The following ITGA7 variants were observed in gnomAD, a reference collection of about 807,000 sequenced individuals.
The protein encoded by ITGA7 is integrin subunit alpha 7.
Under a neutral mutation model 131.6 loss-of-function variants are expected in ITGA7, and 84 were observed. That is an observed-to-expected ratio of 0.64 (90% CI 0.54 to 0.77). ITGA7 has a LOEUF of 0.77. ITGA7 is among the 30% of genes least tolerant of loss of function. ITGA7 has a pLI of 0.00. For synonymous variants in ITGA7, 548 were observed against 600.7 expected (o/e 0.91, Z 1.28); for missense variants, 1,399 against 1,482.9 (o/e 0.94, Z 0.93).
chr12:55,685,337 C>T (rs1411295236), intron 24 of ITGA7, 49 bp from the exon 25 acceptor site: 1 of 1,559,512 alleles, frequency 6.4e-7, no homozygotes, highest in Admixed American at 1.7e-5. Flanking sequence ...AGCTGCGGTC[C>T]CTGGAGCAGA....
In ITGA7 at chr12:55,701,132, G is replaced by A; in HGVS notation, c.437C>T (p.Ala146Val). ...KIVTCAHRYE[A>V]RQRVDQILET... ...CAGGATCTGGTCCACTCGCTGCCTT[G>A]CCTCATATCGGTGTGCACAGGTCTG... is the stretch of plus-strand genomic sequence containing the variant. Residue 146 changes from alanine (A) to valine (V), a missense_variant, in exon 4 of 25, where the codon GCA becomes GTA. Coordinates refer to ENST00000257879, the MANE Select transcript of ITGA7 (RefSeq NM_002206.3). 6.2e-7 allele frequency: 1 copy of A among 1,614,208 alleles called. No individual in the cohort carries two copies. Among genetic ancestry groups the A allele is most frequent in the Non-Finnish European group, 8.5e-7 (1 of 1,180,028 alleles).
chr12:55,698,824 A>C lies in ITGA7; in HGVS notation c.884T>G (p.Val295Gly), dbSNP rs757557693. Residue 295 changes from valine to glycine, a missense_variant, in exon 6 of 25, where the codon GTC becomes GGC. Transcript: ENST00000257879. Reference sequence around the variant, plus strand: ...ACTGGCGCTGTCCTTGCGCAGGATGACCACAGCACCCTTGTGGTTGGCGCG... The same window carrying C: ...ACTGGCGCTGTCCTTGCGCAGGATGCCCACAGCACCCTTGTGGTTGGCGCG... ...APRANHKGAV[V>G]ILRKDSASRL... 4 of 1,613,904 alleles carry C rather than the reference A, an allele frequency of 2.5e-6. No homozygotes were observed. The highest frequency in any genetic ancestry group is 2.5e-6 in the Non-Finnish European group (3 of 1,180,008).
rs146183145 is a variant in ITGA7, at chr12:55,685,137, G to A, written c.3335C>T (p.Pro1112Leu). The A allele has an allele frequency of 1.5e-5, 25 of 1,613,288 alleles. No individual in the cohort carries two copies. The highest frequency in any genetic ancestry group is 6.7e-5 in the African/African-American group (5 of 74,940). The part of the protein sequence containing the change: ...NNWGSPRREG[P>L]DAHPILAADG... ...AGCAGCCAGGATGGGGTGTGCATCC[G>A]GGCCCTCCCGCCGGGGGCTGCCCCA... The change falls in exon 25 of 25, where the codon CCG becomes CTG. Residue 1112 changes from proline (P) to leucine (L), a missense_variant. Coordinates refer to ENST00000257879, the MANE Select transcript of ITGA7 (RefSeq NM_002206.3).
chr12:55,690,278 C>G (rs553606393), intron 21 of ITGA7, among the ~76,000 whole-genome samples: 2 of 151,932 alleles, frequency 1.3e-5, no homozygotes, highest in Admixed American at 1.3e-4. Flanking sequence ...TTTACAAGAA[C>G]AAAACAAACA....
At chr12:55,700,645 C>T in intron 4 of ITGA7, 1 of 637,998 alleles carries the variant, frequency 1.6e-6, no homozygotes. Context: ...TTGGAGCATG[C>T]AGGCCCCAGC....
At position 55,705,975 on chromosome 12, in the gene ITGA7, C is replaced by T. The variant is rs111361766; in HGVS notation, c.206+1502G>A. Among the ~76,000 whole-genome samples the T allele has an allele frequency of 1.1e-3, 161 of 152,308 alleles. 3 individuals carry two copies. The Middle Eastern group carries it at 0.031, about 29-fold the overall frequency. Reference sequence around the variant, plus strand: ...CTGGCCTCTCACATACCCCCCGCCCCCCAGCAGCAGAGCACCCCCTGCTGG... The same window carrying T: ...CTGGCCTCTCACATACCCCCCGCCCTCCAGCAGCAGAGCACCCCCTGCTGG... On this transcript the variant is annotated intron_variant, in intron 1 of 24. Transcript: ENST00000257879.
chr12:55,697,988 C>T lies in ITGA7; in HGVS notation c.1231G>A (p.Val411Ile). 6.2e-7 allele frequency: 1 copy of T among 1,614,154 alleles called. No homozygotes were observed. Among genetic ancestry groups the T allele is most frequent in the Non-Finnish European group, 8.5e-7 (1 of 1,180,028 alleles). The change falls in exon 8 of 25, where the codon GTC (valine) becomes ATC (isoleucine). Residue 411 changes from valine (V) to isoleucine (I), a missense_variant. Val to Ile is a conservative substitution (Grantham distance 29, BLOSUM62 3). Transcript: ENST00000257879. The stretch of plus-strand genomic sequence containing the variant: ...AGGCTGCTCCCATGGTAGATGAAGA[C>T]TTTCCCATCACCATCAAAGGGGGCA... The part of the protein sequence containing the change: ...VGAPFDGDGK[V>I]FIYHGSSLGV...
rs769885996 is a variant in ITGA7, at chr12:55,696,296, G to C, written c.1874C>G (p.Thr625Ser). The change falls in exon 13 of 25, where the codon ACC becomes AGC. Residue 625 changes from threonine to serine, a missense_variant. Physicochemically the swap from Thr to Ser is moderately conservative, Grantham distance 58. Coordinates refer to ENST00000257879, the MANE Select transcript of ITGA7 (RefSeq NM_002206.3). The stretch of plus-strand genomic sequence containing the variant: ...ACCCATGCTCACCTCTGCCCGCTGG[G>C]TGCTGGGCTGGTGGGCATTGAGGAT... ...APILNAHQPS[T>S]QRAEIHFLKQ... The C allele has an allele frequency of 1.3e-6, 2 of 1,576,196 alleles. No homozygotes were observed. The highest frequency in any genetic ancestry group is 2.3e-5 in the South Asian group (2 of 86,320).
intron 21 of ITGA7, 73 bp from the exon 22 acceptor site, chr12:55,689,030 C>T (rs766744254): frequency 8.6e-7 from 1 of 1,157,982 alleles, no homozygotes; most frequent in Non-Finnish European, 1.3e-6. Flanking sequence ...CTCCCATTTT[C>T]CTTACTTGAC....
At position 55,685,279 on chromosome 12, in the gene ITGA7, A is replaced by G; in HGVS notation, c.3193T>C (p.Phe1065Leu). ...GCCTCGGGGTGCTTCGCCCGTTTGA[A>G]GAATCCCATCTATAAGGACACCAGG... ...LVLLLWKMGFFKRAKHPEATV... is the reference protein window; with the variant it reads ...LVLLLWKMGFLKRAKHPEATV... The change falls in exon 25 of 25, where the codon TTC becomes CTC. Residue 1065 changes from phenylalanine to leucine, a missense_variant. By Grantham distance (22) the Phe-to-Leu change is conservative. Transcript: ENST00000257879. 1.2e-6 allele frequency: 2 copies of G among 1,614,090 alleles called. No homozygotes were observed. Among genetic ancestry groups the G allele is most frequent in the Non-Finnish European group, 1.7e-6 (2 of 1,180,014 alleles).
chr12:55,711,477 C>A (rs1354104978), upstream of ITGA7, among the ~76,000 whole-genome samples: 67 of 139,662 alleles, frequency 4.8e-4, no homozygotes, highest in Middle Eastern at 3.8e-3. Context: ...GACTCTGCCT[C>A]AAAAAAAAAA....
Position 55,707,824 on chromosome 12 carries a change from TCCCG to T in ITGA7, c.-146_-143del. ...TCCCAGACGTTCGCCCCGCCAGCCC[TCCCG>T]CCCGCCCGCCGCTCCGCCACCCCGC... On this transcript the variant is annotated 5_prime_UTR_variant, in exon 1 of 25. Transcript: ENST00000257879. The T allele has an allele frequency of 3.1e-6, 2 of 654,358 alleles. No homozygotes were observed. The highest frequency in any genetic ancestry group is 2.3e-6 in the Non-Finnish European group (1 of 427,936). 40.5% of individuals were successfully genotyped at this position (654,358 alleles called of 1,614,324 possible).
chr12:55,701,317 C>T, intron 3 of ITGA7, 163 bp from the exon 4 acceptor site: 1 of 1,565,244 alleles, frequency 6.4e-7, no homozygotes, highest in East Asian at 2.3e-5. Context: ...ACCACTCAAG[C>T]ACCATTACCC....
chr12:55,697,392 G>T (rs950877861), intron 10 of ITGA7, 59 bp downstream of exon 10: 43 of 1,590,266 alleles, frequency 2.7e-5, no homozygotes, highest in Non-Finnish European at 3.7e-5. Flanking sequence ...GGAGATAAAG[G>T]ATCAAAGGGA....
intron 3 of ITGA7, among the ~76,000 whole-genome samples, chr12:55,702,368 G>A (rs1874242207): frequency 2.0e-5 from 3 of 152,134 alleles, no homozygotes; most frequent in African/African-American, 7.2e-5. Flanking sequence ...TTTTAGTAGA[G>A]ACGGGGTTTC....
chr12:55,692,951 G>A lies in ITGA7; in HGVS notation c.2737C>T (p.Arg913Trp), dbSNP rs140030984. The A allele has an allele frequency of 3.3e-4, 532 of 1,613,960 alleles. 5 individuals are homozygous for A. In the African/African-American group the frequency reaches 6.1e-3, roughly 19 times the overall value. ...TGCTCAGGTGGCTCCAGCTCCCGCCGCCTCCTATCCCTACTGTCCACATCC... is the reference window on the plus strand; with the variant it reads ...TGCTCAGGTGGCTCCAGCTCCCGCCACCTCCTATCCCTACTGTCCACATCC... ...HLDVDSRDRR[R>W]RELEPPEQQE... Residue 913 changes from arginine to tryptophan, a missense_variant, in exon 21 of 25, where the codon CGG becomes TGG. Physicochemically the swap from Arg to Trp is moderately radical, Grantham distance 101. Coordinates refer to ENST00000257879, the MANE Select transcript of ITGA7 (RefSeq NM_002206.3).
intron 22 of ITGA7, 87 bp downstream of exon 22, chr12:55,688,757 G>A (rs1278549422): frequency 9.1e-6 from 9 of 988,298 alleles, no homozygotes; most frequent in Non-Finnish European, 1.3e-5. Context: ...GCTGCATTTG[G>A]ACAGTGAGGA....
intron 24 of ITGA7, among the ~76,000 whole-genome samples, chr12:55,685,623 T>A (rs1565607442): frequency 6.6e-6 from 1 of 152,160 alleles, no homozygotes; most frequent in Non-Finnish European, 1.5e-5. Context: ...GACCCAATAG[T>A]GTCCCCCAGA....
chr12:55,701,120 A>G lies in ITGA7; in HGVS notation c.449T>C (p.Val150Ala). 1 of 1,614,116 alleles carries G rather than the reference A, an allele frequency of 6.2e-7. No homozygotes were observed. Among genetic ancestry groups the G allele is most frequent in the Non-Finnish European group, 8.5e-7 (1 of 1,180,010 alleles). ...ATCCCGCGTCTCCAGGATCTGGTCC[A>G]CTCGCTGCCTTGCCTCATATCGGTG... ...CAHRYEARQRVDQILETRDMI... is the reference protein window; with the variant it reads ...CAHRYEARQRADQILETRDMI... The change falls in exon 4 of 25, where the codon GTG becomes GCG. Residue 150 changes from valine to alanine, a missense_variant. Transcript: ENST00000257879.
Sources: gnomAD v4.1 joint callset for allele counts (sites outside exome capture counted in the v4.1 genomes callset) on GRCh38, gnomAD v4.1.1 for gene constraint, MANE v1.5 for transcripts, NCBI Gene and HGNC (gene_info 2026-07-23, HGNC 2026-07-21) for gene names.